The following SDK1 variants were observed in gnomAD, a reference collection of about 807,000 sequenced individuals.
SDK1 encodes sidekick cell adhesion molecule 1.
In SDK1, 157 loss-of-function variants were observed where a neutral mutation model predicts 245.5. The observed-to-expected ratio is 0.64, with a 90% CI of 0.56 to 0.73. SDK1 has a LOEUF of 0.73. Among genes scored for constraint, SDK1 ranks in the 30% least tolerant of loss-of-function variants. The pLI is 0.00. For synonymous variants in SDK1, 1,647 were observed against 1,278.5 expected (o/e 1.29, Z -6.15); for missense variants, 3,583 against 3,002.3 (o/e 1.19, Z -4.52).
chr7:3,955,159 GA>G (rs1330386581), intron 7 of SDK1, among the ~76,000 whole-genome samples: 2 of 152,156 alleles, frequency 1.3e-5, no homozygotes, highest in African/African-American at 4.8e-5. Flanking sequence ...TTTTCACTGG[GA>G]TGGACTCTTT....
intron 5 of SDK1, among the ~76,000 whole-genome samples, chr7:3,852,456 GT>G (rs894691885): frequency 2.7e-4 from 40 of 150,798 alleles, no homozygotes; most frequent in African/African-American, 8.8e-4. Context: ...TTATTTAAAA[GT>G]TTTTTTTTGG....
chr7:3,578,187 G>A (rs1024398727), intron 1 of SDK1, among the ~76,000 whole-genome samples: 6 of 151,902 alleles, frequency 3.9e-5, no homozygotes, highest in South Asian at 2.1e-4. Context: ...TTGGGCCGCC[G>A]GGGGTGACAT....
intron 34 of SDK1, 117 bp from the exon 35 acceptor site, chr7:4,178,368 T>C (rs1782375077): frequency 1.3e-6 from 1 of 760,198 alleles, no homozygotes; most frequent in Non-Finnish European, 2.3e-6. Context: ...TTTCTAACAA[T>C]CCCGCCTCCT....
intron 4 of SDK1, among the ~76,000 whole-genome samples, chr7:3,783,277 T>C (rs762339620): frequency 7.2e-5 from 11 of 152,066 alleles, no homozygotes; most frequent in East Asian, 1.9e-4. Context: ...TGGTGAAAAA[T>C]TGAAAGCCTT....
At chr7:4,074,856 T>TACTTTCCCTCTCTCTCTCTCTC (rs1486926440) in intron 20 of SDK1, among the ~76,000 whole-genome samples, 10 of 72,346 alleles carry the variant, frequency 1.4e-4, no homozygotes, top group Non-Finnish European at 1.7e-4. Flanking sequence ...GAGCAAGACT[T>TACTTTCCCTCTCTCTCTCTCTC]TCTCTCTCTC....
At chr7:3,894,617 G>A (rs1309337863) in intron 5 of SDK1, among the ~76,000 whole-genome samples, 2 of 152,018 alleles carry the variant, frequency 1.3e-5, no homozygotes. Flanking sequence ...CAACATCAGG[G>A]CATCAGATCC....
At chr7:4,239,660 G>A (rs191400831) in intron 42 of SDK1, among the ~76,000 whole-genome samples, 90 of 152,272 alleles carry the variant, frequency 5.9e-4, no homozygotes, top group Non-Finnish European at 9.0e-4. Context: ...CACGCACGGC[G>A]CCCGGCCTAT....
chr7:3,552,380 A>C (rs1178706138), intron 1 of SDK1, among the ~76,000 whole-genome samples: 1 of 152,142 alleles, frequency 6.6e-6, no homozygotes, highest in East Asian at 1.9e-4. Flanking sequence ...TGGAAGTTGA[A>C]GTCCTGTCCC....
chr7:3,683,532 G>C (rs1237446513), intron 4 of SDK1, among the ~76,000 whole-genome samples: 5 of 152,180 alleles, frequency 3.3e-5, no homozygotes, highest in Non-Finnish European at 7.3e-5. Flanking sequence ...CATATACCTG[G>C]TGCATAGTAG....
chr7:3,366,967 C>T (rs1262551537), intron 1 of SDK1, among the ~76,000 whole-genome samples: 2 of 151,954 alleles, frequency 1.3e-5, no homozygotes, highest in Non-Finnish European at 2.9e-5. Flanking sequence ...GTCTCGATCT[C>T]CTGACCTCGT....
intron 28 of SDK1, among the ~76,000 whole-genome samples, chr7:4,145,280 T>G (rs930826367): frequency 6.6e-6 from 1 of 152,124 alleles, no homozygotes; most frequent in African/African-American, 2.4e-5. Context: ...GTGGCCGCTG[T>G]GGAGCTGCTG....
chr7:3,885,106 C>T (rs1298884118), intron 5 of SDK1, among the ~76,000 whole-genome samples: 1 of 152,156 alleles, frequency 6.6e-6, no homozygotes, highest in South Asian at 2.1e-4. Context: ...GAGCCTAAAC[C>T]TGCCCATCCC....
intron 1 of SDK1, among the ~76,000 whole-genome samples, chr7:3,413,443 C>G (rs1419558411): frequency 1.3e-5 from 2 of 152,114 alleles, no homozygotes; most frequent in Non-Finnish European, 2.9e-5. Flanking sequence ...ATCTGTAATC[C>G]CAGCACTTTG....
Position 3,990,029 on chromosome 7 carries a change from G to A in SDK1, c.2131+2707G>A, listed in dbSNP as rs372507690. 2.4e-4 allele frequency among the ~76,000 whole-genome samples: 36 copies of A among 152,376 alleles called. No homozygotes were observed. The East Asian group carries it at 4.8e-3, about 20-fold the overall frequency. Reference sequence around the variant, plus strand: ...GGCATCCGCAGAGGAGCCTTCGGAAGCAGAGTGTGCTGTCCTGCACTACAG... The same window carrying A: ...GGCATCCGCAGAGGAGCCTTCGGAAACAGAGTGTGCTGTCCTGCACTACAG... On this transcript the variant is annotated intron_variant, in intron 14 of 44. Coordinates refer to ENST00000404826, the MANE Select transcript of SDK1 (RefSeq NM_152744.4).
At chr7:3,552,392 C>T (rs552550155) in intron 1 of SDK1, among the ~76,000 whole-genome samples, 4 of 152,132 alleles carry the variant, frequency 2.6e-5, no homozygotes, top group Non-Finnish European at 4.4e-5. Flanking sequence ...TCCTGTCCCC[C>T]AGTAGATGCT....
chr7:3,769,706 G>C (rs1296766181), intron 4 of SDK1, among the ~76,000 whole-genome samples: 2 of 152,186 alleles, frequency 1.3e-5, no homozygotes, highest in East Asian at 3.9e-4. Flanking sequence ...ACTCAGATGA[G>C]GGATGAGCCT....
chr7:4,264,221 A>G (rs1230857678), intron 44 of SDK1, among the ~76,000 whole-genome samples: 8 of 48,940 alleles, frequency 1.6e-4, no homozygotes, highest in South Asian at 1.3e-3. Context: ...GAGGCCGCGT[A>G]GACCTCTCCT....
intron 1 of SDK1, among the ~76,000 whole-genome samples, chr7:3,508,580 G>C (rs77521796): frequency 0.23 from 35,258 of 151,848 alleles, 4,458 homozygotes; most frequent in East Asian, 0.33. Context: ...TACCCGCCTG[G>C]GCCTCCCAAA....
intron 4 of SDK1, among the ~76,000 whole-genome samples, chr7:3,647,385 C>T (rs1438735493): frequency 8.5e-5 from 13 of 152,096 alleles, no homozygotes; most frequent in African/African-American, 3.1e-4. Context: ...GGCTACAGGG[C>T]CAGAGTCTCT....
Sources: allele counts gnomAD v4.1 joint callset (sites outside exome capture counted in the v4.1 genomes callset), GRCh38; gene constraint gnomAD v4.1.1; transcripts MANE v1.5; gene names NCBI Gene and HGNC (gene_info 2026-07-23, HGNC 2026-07-21).